GAS2: variants seen among roughly 807,000 people sequenced by gnomAD.
GAS2 encodes the protein growth arrest specific 2.
In GAS2, 20 loss-of-function variants were observed where a neutral mutation model predicts 37.5. The ratio of observed to expected loss-of-function variants is 0.53; its 90% CI spans 0.37 to 0.77. The LOEUF (loss-of-function observed/expected upper bound fraction) is 0.77, where lower values mean the gene tolerates loss of function less well. Ranked by LOEUF, GAS2 falls within the 30% of genes least tolerant of loss-of-function variation. The pLI is 0.00. For missense variants in GAS2, 336 were observed against 373.4 expected (o/e 0.90, Z 0.82); for synonymous variants, 144 against 132.2 (o/e 1.09, Z -0.61).
At chr11:22,650,067 T>A (rs1848754443) in intron 1 of GAS2, among the ~76,000 whole-genome samples, 1 of 152,078 alleles carries the variant, frequency 6.6e-6, no homozygotes. Context: ...TGCTATAAAT[T>A]TCCCTCTACA....
At chr11:22,652,812 C>G (rs1848800629) in intron 1 of GAS2, among the ~76,000 whole-genome samples, 1 of 152,198 alleles carries the variant, frequency 6.6e-6, no homozygotes, top group African/African-American at 2.4e-5. Context: ...CTGACCTGCA[C>G]CCACTGTCTG....
chr11:22,700,430 G>T (rs1850773958), intron 3 of GAS2, among the ~76,000 whole-genome samples: 1 of 152,134 alleles, frequency 6.6e-6, no homozygotes, highest in Non-Finnish European at 1.5e-5. Flanking sequence ...GAGCAAATCT[G>T]ACTTTTCCAG....
At chr11:22,749,344 C>G in intron 6 of GAS2, 83 bp downstream of exon 6, 1 of 1,233,394 alleles carries the variant, frequency 8.1e-7, no homozygotes, top group Non-Finnish European at 1.1e-6. Flanking sequence ...TCGTATCAGT[C>G]TAATCTTTAC....
At chr11:22,771,547 T>C (rs1231256869) in intron 7 of GAS2, among the ~76,000 whole-genome samples, 2 of 152,174 alleles carry the variant, frequency 1.3e-5, no homozygotes, top group South Asian at 2.1e-4. Flanking sequence ...GGAAATGGAA[T>C]GGGACTTGAT....
At chr11:22,771,144 G>A (rs995813088) in intron 7 of GAS2, among the ~76,000 whole-genome samples, 1 of 150,760 alleles carries the variant, frequency 6.6e-6, no homozygotes, top group African/African-American at 2.4e-5. Flanking sequence ...TTTTTCCCAT[G>A]ATACTTTTGA....
chr11:22,745,118 C>CAAAAAAAAAAAAAAA (rs142582542), intron 5 of GAS2, among the ~76,000 whole-genome samples: 1 of 129,012 alleles, frequency 7.8e-6, no homozygotes, highest in Non-Finnish European at 1.6e-5. Context: ...CATTTGGAAC[C>CAAAAAAAAAAAAAAA]AAAAAAAAAA....
intron 1 of GAS2, among the ~76,000 whole-genome samples, chr11:22,634,096 C>G (rs1376797000): frequency 6.6e-6 from 1 of 152,152 alleles, no homozygotes; most frequent in African/African-American, 2.4e-5. Context: ...TTCACAGTTC[C>G]ACGTGGCTGG....
chr11:22,684,965 T>A (rs760356234), intron 2 of GAS2, among the ~76,000 whole-genome samples: 3 of 152,200 alleles, frequency 2.0e-5, no homozygotes, highest in African/African-American at 4.8e-5. Flanking sequence ...AATGGTGGTT[T>A]TTAAAAAATA....
intron 3 of GAS2, among the ~76,000 whole-genome samples, chr11:22,699,518 A>C (rs1323461627): frequency 6.6e-6 from 1 of 152,156 alleles, no homozygotes; most frequent in African/African-American, 2.4e-5. Flanking sequence ...GAATTAGACT[A>C]TTTGCAAGGA....
At chr11:22,780,598 G>C (rs956639022) in intron 7 of GAS2, among the ~76,000 whole-genome samples, 15 of 144,720 alleles carry the variant, frequency 1.0e-4, no homozygotes, top group African/African-American at 3.8e-4. Context: ...TTTTCTATTA[G>C]TAGCAGAAAC....
In GAS2 at chr11:22,712,378, C is replaced by A. The variant is rs1021125127; in HGVS notation, c.268-13914C>A. ...TGAAGATAGACTGCATCACAGGACA[C>A]TTTGCAGACATTCCTTAGCACCAGC... is the stretch of plus-strand genomic sequence containing the variant. On this transcript the variant is annotated intron_variant, in intron 3 of 7. Coordinates refer to ENST00000454584, the MANE Select transcript of GAS2 (RefSeq NM_001143830.3). 5.3e-5 allele frequency among the ~76,000 whole-genome samples: 8 copies of A among 152,300 alleles called. No homozygotes were observed. In the East Asian group the frequency reaches 1.5e-3, roughly 29 times the overall value.
intron 7 of GAS2, among the ~76,000 whole-genome samples, chr11:22,778,102 T>C (rs1351718265): frequency 1.3e-5 from 2 of 152,110 alleles, no homozygotes; most frequent in Admixed American, 6.5e-5. Flanking sequence ...AACAAATTAC[T>C]CCTCCCCTAG....
At chr11:22,636,466 A>G (rs1021983729) in intron 1 of GAS2, among the ~76,000 whole-genome samples, 6 of 152,168 alleles carry the variant, frequency 3.9e-5, no homozygotes, top group Non-Finnish European at 7.3e-5. Flanking sequence ...CACATTGCAT[A>G]ACAGCCATGC....
chr11:22,627,085 G>A (rs1380424985), intron 1 of GAS2, among the ~76,000 whole-genome samples: 3 of 152,082 alleles, frequency 2.0e-5, no homozygotes, highest in Non-Finnish European at 2.9e-5. Context: ...GTGCCACCGC[G>A]CCCGGCTATT....
intron 3 of GAS2, among the ~76,000 whole-genome samples, chr11:22,715,174 C>G (rs1036535769): frequency 6.6e-6 from 1 of 151,890 alleles, no homozygotes; most frequent in Non-Finnish European, 1.5e-5. Context: ...TAGAAACAGG[C>G]CAGGTGCCAC....
chr11:22,749,360 T>A lies in GAS2; in HGVS notation c.615+99T>A, dbSNP rs1853602747. 7 of 1,107,034 alleles carry A rather than the reference T, an allele frequency of 6.3e-6. No homozygotes were observed. The Admixed American group carries it at 8.0e-5, about 13-fold the overall frequency. The allele number at this position is 1,107,034 out of a possible 1,614,324, so 68.6% of individuals were successfully genotyped here. A position where few individuals can be genotyped will look rare whatever the true frequency, so the allele number is the denominator to read the frequency against. On this transcript the variant is annotated intron_variant, in intron 6 of 7. Coordinates refer to ENST00000454584, the MANE Select transcript of GAS2 (RefSeq NM_001143830.3). ...CGTATCAGTCTAATCTTTACCTATATCAATTTTCTTGAAATGTATTTTAAG... is the reference window on the plus strand; with the variant it reads ...CGTATCAGTCTAATCTTTACCTATAACAATTTTCTTGAAATGTATTTTAAG...
rs369548824 is a variant in GAS2, at chr11:22,685,805, G to A, written c.267+16G>A. On this transcript the variant is annotated intron_variant, in intron 3 of 7. Transcript: ENST00000454584. ...GCCCACAAAGGTAAAAGATCCCAAT[G>A]CAAAAATCACTCTTAGGTGGTAGAT... 3 of 1,603,858 alleles carry A rather than the reference G, an allele frequency of 1.9e-6. No individual in the cohort carries two copies. Among genetic ancestry groups the A allele is most frequent in the Non-Finnish European group, 2.5e-6 (3 of 1,176,658 alleles).
chr11:22,784,567 T>G (rs967355677), intron 7 of GAS2, among the ~76,000 whole-genome samples: 1 of 152,170 alleles, frequency 6.6e-6, no homozygotes, highest in African/African-American at 2.4e-5. Context: ...GCCTGGCATA[T>G]AATAGTCATT....
At chr11:22,773,197 C>T (rs56136951) in intron 7 of GAS2, among the ~76,000 whole-genome samples, 254 of 152,178 alleles carry the variant, frequency 1.7e-3, no homozygotes, top group African/African-American at 5.9e-3. Flanking sequence ...TCCCAGTATT[C>T]CCCAGAGTAA....
Sources: gnomAD v4.1 joint callset for allele counts (sites outside exome capture counted in the v4.1 genomes callset) on GRCh38, gnomAD v4.1.1 for gene constraint, MANE v1.5 for transcripts, NCBI Gene and HGNC (gene_info 2026-07-23, HGNC 2026-07-21) for gene names.